PGBD5: variants seen among roughly 807,000 people sequenced by gnomAD.
PGBD5 encodes the protein piggyBac transposable element-derived protein 5.
In PGBD5, 14 loss-of-function variants were observed where a neutral mutation model predicts 47.9. The ratio of observed to expected loss-of-function variants is 0.29; its 90% CI spans 0.19 to 0.46. PGBD5 has a LOEUF of 0.46. Ranked by LOEUF, PGBD5 falls within the 20% of genes least tolerant of loss-of-function variation. The probability of loss-of-function intolerance (pLI) is 1.00; values close to 1 mark genes in which losing one functional copy is unlikely to be tolerated. For synonymous variants in PGBD5, 316 were observed against 306.3 expected (o/e 1.03, Z -0.33); for missense variants, 635 against 716.0 (o/e 0.89, Z 1.29).
intron 1 of PGBD5, among the ~76,000 whole-genome samples, chr1:230,407,168 A>T (rs74146016): frequency 2.6e-5 from 4 of 152,348 alleles, no homozygotes; most frequent in Admixed American, 6.5e-5. Flanking sequence ...GGACTAAAAA[A>T]GAATATTCAG....
At chr1:230,389,181 T>C (rs894340041) in intron 1 of PGBD5, among the ~76,000 whole-genome samples, 1 of 151,966 alleles carries the variant, frequency 6.6e-6, no homozygotes, top group Admixed American at 6.5e-5. Flanking sequence ...TTTCTTTTTT[T>C]TTTTTTTTTG....
At chr1:230,378,835 T>C (rs1337727339) in intron 1 of PGBD5, among the ~76,000 whole-genome samples, 1 of 152,086 alleles carries the variant, frequency 6.6e-6, no homozygotes, top group Non-Finnish European at 1.5e-5. Flanking sequence ...TCAATAACCC[T>C]ATGAATAGGG....
chr1:230,411,362 G>T (rs557598496), intron 1 of PGBD5, among the ~76,000 whole-genome samples: 31 of 152,264 alleles, frequency 2.0e-4, no homozygotes, highest in Admixed American at 1.4e-3. Flanking sequence ...GTATAAAAAA[G>T]CAAACGCAGT....
At chr1:230,370,053 C>G (rs828435) in intron 1 of PGBD5, among the ~76,000 whole-genome samples, 109,377 of 152,166 alleles carry the variant, frequency 0.72, 39,743 homozygotes, top group African/African-American at 0.75. Context: ...AGGAGAGTTA[C>G]GTTGATGACA....
intron 2 of PGBD5, among the ~76,000 whole-genome samples, chr1:230,351,488 G>A (rs1667560408): frequency 6.6e-6 from 1 of 152,104 alleles, no homozygotes; most frequent in Admixed American, 6.6e-5. Context: ...TTCTTTTCAT[G>A]GAAGCCCCTT....
chr1:230,401,000 T>A (rs1657124668), intron 1 of PGBD5, among the ~76,000 whole-genome samples: 1 of 152,172 alleles, frequency 6.6e-6, no homozygotes, highest in African/African-American at 2.4e-5. Context: ...GCCCATGAGA[T>A]TGTATCACCA....
At chr1:230,399,603 G>A (rs113073894) in intron 1 of PGBD5, among the ~76,000 whole-genome samples, 3,321 of 152,218 alleles carry the variant, frequency 0.022, 110 homozygotes, top group African/African-American at 0.076. Flanking sequence ...CTTCTGGTCT[G>A]GTCCTCTCTC....
At chr1:230,396,485 C>T (rs1488166132) in intron 1 of PGBD5, among the ~76,000 whole-genome samples, 2 of 141,018 alleles carry the variant, frequency 1.4e-5, no homozygotes, top group Non-Finnish European at 3.1e-5. Flanking sequence ...CTTCCGCAGC[C>T]AGGGTCCTCC....
chr1:230,400,958 A>C (rs1361150552), intron 1 of PGBD5, among the ~76,000 whole-genome samples: 2 of 152,246 alleles, frequency 1.3e-5, no homozygotes, highest in East Asian at 3.8e-4. Context: ...ACATAACTAC[A>C]AACAGGTCAG....
chr1:230,328,116 G>A (rs537288031), intron 5 of PGBD5, among the ~76,000 whole-genome samples: 2 of 152,206 alleles, frequency 1.3e-5, no homozygotes, highest in African/African-American at 4.8e-5. Context: ...AAGATCTCGG[G>A]GTTTCCCATA....
Position 230,337,184 on chromosome 1 carries a change from C to T in PGBD5, c.999G>A (p.Ala333=), listed in dbSNP as rs746541408. The change falls in exon 4 of 7, where the codon GCG becomes GCA. Residue 333 remains alanine, a synonymous_variant. Coordinates refer to ENST00000391860, the MANE Select transcript of PGBD5 (RefSeq NM_001258311.2). The stretch of plus-strand genomic sequence containing the variant: ...TGAAAATGATGTAGTTCTTGCCTGC[C>T]GCGTTCCGGCACAGGCTCCTGGCCA... ...SMVARSLCRN[A]AGKNYIIFTG... 33 of 1,614,204 alleles carry T rather than the reference C, an allele frequency of 2.0e-5. No individual in the cohort carries two copies. The South Asian group carries it at 2.5e-4, about 12-fold the overall frequency.
intron 1 of PGBD5, among the ~76,000 whole-genome samples, chr1:230,370,221 A>G (rs1014093843): frequency 6.6e-6 from 1 of 152,218 alleles, no homozygotes; most frequent in Non-Finnish European, 1.5e-5. Flanking sequence ...TTGCCCTGAC[A>G]CTGCTGGTCC....
intron 1 of PGBD5, chr1:230,367,914 G>T (rs1478391838): frequency 7.4e-7 from 1 of 1,342,658 alleles, no homozygotes; most frequent in East Asian, 4.7e-5. Flanking sequence ...CAGAGGCTCG[G>T]GGAAGAGAAC....
rs1055526183 is a variant in PGBD5, at chr1:230,355,877, G to A, written c.759+1017C>T. Among the ~76,000 whole-genome samples, 3 of 152,144 alleles carry A rather than the reference G, an allele frequency of 2.0e-5. No homozygotes were observed. The South Asian group carries it at 6.2e-4, about 31-fold the overall frequency. On this transcript the variant is annotated intron_variant, in intron 2 of 6. Transcript: ENST00000391860. Reference sequence around the variant, plus strand: ...GTGGGGAGAACGATCCAGAGAGAATGTAAGGCTCCCACAGACACGAAATAG... The same window carrying A: ...GTGGGGAGAACGATCCAGAGAGAATATAAGGCTCCCACAGACACGAAATAG...
intron 5 of PGBD5, among the ~76,000 whole-genome samples, chr1:230,327,698 G>A (rs1311011877): frequency 4.6e-5 from 7 of 152,214 alleles, no homozygotes; most frequent in South Asian, 2.1e-4. Context: ...CAGAGGGGGC[G>A]TTCTCCAGGG....
intron 6 of PGBD5, 88 bp downstream of exon 6, chr1:230,325,222 G>A: frequency 1.0e-6 from 1 of 1,000,888 alleles, no homozygotes; most frequent in African/African-American, 1.6e-5. Context: ...CTTACACTGG[G>A]GAAACTAGTG....
In PGBD5 at chr1:230,367,588, C is replaced by T. The variant is rs182734142; in HGVS notation, c.332-10267G>A. On this transcript the variant is annotated intron_variant, in intron 1 of 6. Transcript: ENST00000391860. ...TGGCACACGCCTATAATCCCAGCTA[C>T]TCGAGAGGCTGAGGTGGGAGGACTG... 3.3e-5 allele frequency among the ~76,000 whole-genome samples: 5 copies of T among 152,254 alleles called. No homozygotes were observed. The East Asian group carries it at 9.7e-4, about 29-fold the overall frequency.
chr1:230,406,502 G>T lies in PGBD5; in HGVS notation c.331+19096C>A, dbSNP rs1453734064. Among the ~76,000 whole-genome samples, 5 of 152,020 alleles carry T rather than the reference G, an allele frequency of 3.3e-5. No individual in the cohort carries two copies. The East Asian group carries it at 7.7e-4, about 23-fold the overall frequency. On this transcript the variant is annotated intron_variant, in intron 1 of 6. Transcript: ENST00000391860. ...GAATGACAGTTAACAGAAATATTAT[G>T]AGTATGTTGTCCAGATAACTTTAGA...
rs1044600165 is a variant in PGBD5, at chr1:230,337,199, G to T, written c.984C>A (p.Ser328Arg). The T allele has an allele frequency of 1.9e-6, 3 of 1,614,210 alleles. No homozygotes were observed. The Admixed American group carries it at 5.0e-5, about 27-fold the overall frequency. Reference protein sequence around the residue: ...KPQLHSMVARSLCRNAAGKNY... With the variant: ...KPQLHSMVARRLCRNAAGKNY... The stretch of plus-strand genomic sequence containing the variant: ...TCTTGCCTGCCGCGTTCCGGCACAG[G>T]CTCCTGGCCACCATGCTGTGGAGCT... Residue 328 changes from serine to arginine, a missense_variant, in exon 4 of 7, where the codon AGC (serine) becomes AGA (arginine). Transcript: ENST00000391860.
Sources: gnomAD v4.1 joint callset for allele counts (sites outside exome capture counted in the v4.1 genomes callset) on GRCh38, gnomAD v4.1.1 for gene constraint, MANE v1.5 for transcripts, NCBI Gene and HGNC (gene_info 2026-07-23, HGNC 2026-07-21) for gene names.